The following CPLX2 variants were observed in gnomAD, a reference collection of about 807,000 sequenced individuals.
CPLX2 encodes the protein complexin-2.
Under a neutral mutation model 16.3 loss-of-function variants are expected in CPLX2, and 5 were observed. The observed-to-expected ratio is 0.31, with a 90% confidence interval of 0.16 to 0.64. The LOEUF (loss-of-function observed/expected upper bound fraction) is 0.64, where lower values mean the gene tolerates loss of function less well. Among genes scored for constraint, CPLX2 ranks in the 30% least tolerant of loss-of-function variants. CPLX2 has a pLI of 0.79. For missense variants in CPLX2, 144 were observed against 181.4 expected, an observed-to-expected ratio of 0.79 and a Z score of 1.18; for synonymous variants, 89 against 73.2, an observed-to-expected ratio of 1.22 and a Z score of -1.10.
intron 2 of CPLX2, among the ~76,000 whole-genome samples, chr5:175,846,992 G>A (rs1372690928): frequency 1.3e-5 from 2 of 152,178 alleles, no homozygotes; most frequent in African/African-American, 4.8e-5. Flanking sequence ...CTCATATGTA[G>A]TGCAGGGAGG....
chr5:175,846,671 T>C (rs2113674213), intron 2 of CPLX2, among the ~76,000 whole-genome samples: 1 of 152,318 alleles, frequency 6.6e-6, no homozygotes, highest in Admixed American at 6.5e-5. Flanking sequence ...GATTTGACCC[T>C]GGCCTGCCTG....
At chr5:175,822,613 C>A (rs1758534446) in intron 2 of CPLX2, among the ~76,000 whole-genome samples, 1 of 152,226 alleles carries the variant, frequency 6.6e-6, no homozygotes, top group African/African-American at 2.4e-5. Flanking sequence ...CAGACAGTGA[C>A]CACAACACTC....
chr5:175,865,088 G>GCACA lies in CPLX2; in HGVS notation c.-88-13563_-88-13562insACAC, dbSNP rs1340408167. The stretch of plus-strand genomic sequence containing the variant: ...TACTCACATGCACGCATGTGCGCGC[G>GCACA]CGCACACACACACACACACTCGTCT... On this transcript the variant is annotated intron_variant, in intron 2 of 4. Transcript: ENST00000359546. 5.7e-3 allele frequency among the ~76,000 whole-genome samples: 853 copies of GCACA among 150,666 alleles called. 12 individuals carry two copies. The highest frequency in any genetic ancestry group is 0.02 in the African/African-American group (800 of 40,990).
chr5:175,880,178 G>GAAGAGGGGCAGA lies in CPLX2; in HGVS notation c.*133_*134insAAGAGGGGCAGA. ...CCTCTGCCCCTCTTCCCTGGCCAGG[G>GAAGAGGGGCAGA]GCTTCTCCCCCTCAGCTCTCCCTCA... On this transcript the variant is annotated 3_prime_UTR_variant, in exon 4 of 4. Transcript: ENST00000393745. The GAAGAGGGGCAGA allele has an allele frequency of 4.2e-6, 4 of 945,734 alleles. No individual in the cohort carries two copies. The highest frequency in any genetic ancestry group is 1.6e-5 in the African/African-American group (1 of 61,444). The allele number at this position is 945,734 out of a possible 1,614,324, so 58.6% of individuals were successfully genotyped here.
At chr5:175,820,481 C>T (rs1371939781) in intron 2 of CPLX2, among the ~76,000 whole-genome samples, 1 of 152,188 alleles carries the variant, frequency 6.6e-6, no homozygotes, top group African/African-American at 2.4e-5. Flanking sequence ...CATGGCATTC[C>T]CTCCCGCATC....
chr5:175,875,761 A>G (rs917101278), intron 1 of CPLX2, among the ~76,000 whole-genome samples: 3 of 152,082 alleles, frequency 2.0e-5, no homozygotes, highest in Non-Finnish European at 4.4e-5. Flanking sequence ...AGTGAACAGG[A>G]GACTGCTTAA....
chr5:175,807,112 G>T lies in CPLX2; in HGVS notation c.-168-1877G>T, dbSNP rs560033622. On this transcript the variant is annotated intron_variant, in intron 1 of 4. Coordinates refer to the CPLX2 transcript ENST00000359546. ...ACTCACCAGCAAGTGCGTGCTCAACGGGCCCCTCGCCTGCACAGGAGAATG... is the reference window on the plus strand; with the variant it reads ...ACTCACCAGCAAGTGCGTGCTCAACTGGCCCCTCGCCTGCACAGGAGAATG... Among the ~76,000 whole-genome samples, 3 of 152,270 alleles carry T rather than the reference G, an allele frequency of 2.0e-5. No homozygotes were observed. The South Asian group carries it at 6.2e-4, about 32-fold the overall frequency.
rs1755593547 is a variant in CPLX2, at chr5:175,881,383, G to A, written c.*1338G>A. The A allele has an allele frequency of 6.5e-6, 1 of 153,356 alleles. No individual in the cohort carries two copies. Among genetic ancestry groups the A allele is most frequent in the African/African-American group, 2.4e-5 (1 of 41,416 alleles). 9.5% of individuals were successfully genotyped at this position (153,356 alleles called of 1,614,324 possible). ...TGCTTGATTGAGGTGGTGTATTTGG[G>A]TTGAAATTGTGTCATATGTGTGTGC... On this transcript the variant is annotated 3_prime_UTR_variant, in exon 4 of 4. Transcript: ENST00000393745.
intron 2 of CPLX2, among the ~76,000 whole-genome samples, chr5:175,833,162 A>T (rs1168709132): frequency 6.6e-6 from 1 of 152,098 alleles, no homozygotes; most frequent in African/African-American, 2.4e-5. Context: ...ATCTCAAAAA[A>T]AAAAGAGAAA....
chr5:175,865,313 G>A (rs1193665849), intron 2 of CPLX2, among the ~76,000 whole-genome samples: 3 of 152,148 alleles, frequency 2.0e-5, no homozygotes, highest in South Asian at 4.1e-4. Flanking sequence ...GAGTGTGCTG[G>A]TTCTAAATGG....
chr5:175,813,722 T>G (rs1167373684), intron 2 of CPLX2, among the ~76,000 whole-genome samples: 2 of 152,188 alleles, frequency 1.3e-5, no homozygotes, highest in Admixed American at 1.3e-4. Flanking sequence ...ATGAGACAAT[T>G]TGAAGAGTTA....
upstream of CPLX2, among the ~76,000 whole-genome samples, chr5:175,870,409 C>G (rs536606377): frequency 6.6e-6 from 1 of 152,202 alleles, no homozygotes; most frequent in Admixed American, 6.5e-5. Flanking sequence ...CTCTTGTTGC[C>G]CCTTCCTTGG....
chr5:175,799,679 CTATTTTTTT>C (rs967070526), intron 1 of CPLX2, among the ~76,000 whole-genome samples: 2 of 149,866 alleles, frequency 1.3e-5, no homozygotes, highest in African/African-American at 2.5e-5. Context: ...CCATGCCCAG[CTATTTTTTT>C]TATTTTTTTT....
At position 175,830,375 on chromosome 5, in the gene CPLX2, A is replaced by T. The variant is rs1758712578; in HGVS notation, c.-89+21307A>T. On this transcript the variant is annotated intron_variant, in intron 2 of 4. Transcript: ENST00000359546. The surrounding 1 kb of genome is among the most constrained non-coding windows in gnomAD (Gnocchi z 4.0). ...TGAAGCAACTTGCCCAGGGTTACACAGCCAGGGAGCAGCAGAGCCCAGGTA... is the reference window on the plus strand; with the variant it reads ...TGAAGCAACTTGCCCAGGGTTACACTGCCAGGGAGCAGCAGAGCCCAGGTA... Among the ~76,000 whole-genome samples the T allele has an allele frequency of 6.6e-6, 1 of 152,192 alleles. No homozygotes were observed. Among genetic ancestry groups the T allele is most frequent in the African/African-American group, 2.4e-5 (1 of 41,452 alleles).
chr5:175,816,099 G>A (rs535550806), intron 2 of CPLX2, among the ~76,000 whole-genome samples: 5 of 152,162 alleles, frequency 3.3e-5, no homozygotes, highest in African/African-American at 9.7e-5. Context: ...CCTTCCAATC[G>A]GTGACTCCGG....
At chr5:175,870,227 G>A (rs1298621863), upstream of CPLX2, among the ~76,000 whole-genome samples, 1 of 152,194 alleles carries the variant, frequency 6.6e-6, no homozygotes, top group African/African-American at 2.4e-5. Flanking sequence ...CCTTACACAA[G>A]CCTGTAAGGG....
intron 2 of CPLX2, chr5:175,837,447 T>C (rs1450250941): frequency 6.6e-6 from 1 of 152,224 alleles, no homozygotes; most frequent in African/African-American, 2.4e-5. Flanking sequence ...GGAAAGTGTT[T>C]TGCACACTAA....
At chr5:175,831,732 C>A (rs1758738953) in intron 2 of CPLX2, among the ~76,000 whole-genome samples, 1 of 152,162 alleles carries the variant, frequency 6.6e-6, no homozygotes, top group African/African-American at 2.4e-5. Flanking sequence ...GATAGGTCAA[C>A]CAAGAACTAT....
chr5:175,827,133 T>C (rs557058451), intron 2 of CPLX2, among the ~76,000 whole-genome samples: 1 of 152,280 alleles, frequency 6.6e-6, no homozygotes, highest in South Asian at 2.1e-4. Flanking sequence ...CTGAGTCTCA[T>C]TGGCCCCTTT....
Sources: allele counts gnomAD v4.1 joint callset (sites outside exome capture counted in the v4.1 genomes callset), GRCh38; gene constraint gnomAD v4.1.1; non-coding constraint Gnocchi (gnomAD v3.1); transcripts MANE v1.5; gene names NCBI Gene and HGNC (gene_info 2026-07-23, HGNC 2026-07-21).